TEX2: variants seen among roughly 807,000 people sequenced by gnomAD.
TEX2 encodes the protein testis-expressed protein 2.
In TEX2, 53 loss-of-function variants were observed where a neutral mutation model predicts 106.9. The observed-to-expected ratio is 0.50, with a 90% CI of 0.40 to 0.62. The LOEUF (loss-of-function observed/expected upper bound fraction) is 0.62. Ranked by LOEUF, TEX2 falls within the 20% of genes least tolerant of loss-of-function variation. The pLI is 0.00. For synonymous variants in TEX2, 523 were observed against 534.8 expected, an observed-to-expected ratio of 0.98 and a Z score of 0.30; for missense variants, 1,207 against 1,379.0, an observed-to-expected ratio of 0.88 and a Z score of 1.98.
chr17:64,259,347 T>C (rs1162908343), intron 1 of TEX2, among the ~76,000 whole-genome samples: 1 of 152,060 alleles, frequency 6.6e-6, no homozygotes, highest in African/African-American at 2.4e-5. Context: ...TTATAAAGAG[T>C]TTGGAAAGGA....
intron 1 of TEX2, among the ~76,000 whole-genome samples, chr17:64,232,822 T>C (rs1019803856): frequency 6.6e-6 from 1 of 152,350 alleles, no homozygotes; most frequent in South Asian, 2.1e-4. Flanking sequence ...GCATAGTTTC[T>C]GTTAAGCCTT....
At chr17:64,171,896 A>T (rs1374830936) in intron 6 of TEX2, among the ~76,000 whole-genome samples, 1 of 151,302 alleles carries the variant, frequency 6.6e-6, no homozygotes, top group East Asian at 1.9e-4. Context: ...TGGGAGGATC[A>T]CTTGAACCTG....
At chr17:64,166,022 T>C (rs1373598711) in intron 7 of TEX2, among the ~76,000 whole-genome samples, 1 of 152,214 alleles carries the variant, frequency 6.6e-6, no homozygotes, top group Non-Finnish European at 1.5e-5. Flanking sequence ...TGAATTCATC[T>C]AAGCCTGAGG....
intron 5 of TEX2, among the ~76,000 whole-genome samples, chr17:64,187,480 T>C (rs1047361421): frequency 3.3e-5 from 5 of 152,096 alleles, no homozygotes; most frequent in Non-Finnish European, 7.4e-5. Context: ...TGTCACTACC[T>C]TCACATTGAT....
Position 64,213,778 on chromosome 17 carries a change from G to C in TEX2, c.440C>G (p.Ser147Cys), listed in dbSNP as rs1555632170. ...CTCAGAAAGGGATGACACACTGGGA[G>C]AGCTAGCTAAGGGCCCCGACGAAGA... ...GSSSSGPLAS[S>C]PSVSSLSEQK... is the part of the protein sequence containing the mutation. Residue 147 changes from serine (S) to cysteine (C), a missense_variant, in exon 2 of 12, where the codon TCT (serine) becomes TGT (cysteine). Physicochemically the swap from Ser to Cys is moderately radical, Grantham distance 112. This residue lies in a region of TEX2 where 1,067 missense variants were observed against 1,193.6 expected (regional missense o/e 0.89). Coordinates refer to ENST00000584379, the MANE Select transcript of TEX2 (RefSeq NM_001288732.2). This position sits in a 1 kb window ranked among gnomAD's most constrained non-coding sequence, Gnocchi z 4.4. The C allele has an allele frequency of 6.2e-7, 1 of 1,614,210 alleles. No homozygotes were observed. The highest frequency in any genetic ancestry group is 1.7e-5 in the Admixed American group (1 of 60,028).
At position 64,193,758 on chromosome 17, in the gene TEX2, C is replaced by A; in HGVS notation, c.1977G>T (p.Lys659Asn). The A allele has an allele frequency of 6.2e-7, 1 of 1,613,868 alleles. No individual in the cohort carries two copies. The highest frequency in any genetic ancestry group is 8.5e-7 in the Non-Finnish European group (1 of 1,179,846). ...AQTDKETSEE[K>N]PPAEGSEDPK... ...GGTCCTCACTTCCCTCAGCTGGCGG[C>A]TTCTCTTCTGAAGTCTCCTTATCAG... is the stretch of plus-strand genomic sequence containing the variant. Residue 659 changes from lysine to asparagine, a missense_variant, in exon 4 of 12, where the codon AAG becomes AAT. Coordinates refer to ENST00000584379, the MANE Select transcript of TEX2 (RefSeq NM_001288732.2).
At position 64,188,270 on chromosome 17, in the gene TEX2, G is replaced by A. The variant is rs143638344; in HGVS notation, c.2322C>T (p.Leu774=). The change falls in exon 5 of 12, where the codon CTC becomes CTT. Residue 774 remains leucine (L), a synonymous_variant. Transcript: ENST00000584379. ...LAGSVRQKML[L]DYSVYMGRCV... Reference sequence around the variant, plus strand: ...ACCTGCCCATGTACACGCTGTAGTCGAGAAGCATCTTCTGCCGCACGCTGC... The same window carrying A: ...ACCTGCCCATGTACACGCTGTAGTCAAGAAGCATCTTCTGCCGCACGCTGC... 8.9e-5 allele frequency: 144 copies of A among 1,614,002 alleles called. No homozygotes were observed. The highest frequency in any genetic ancestry group is 2.8e-4 in the African/African-American group (21 of 75,038).
At chr17:64,199,866 A>C (rs1383293416) in intron 2 of TEX2, among the ~76,000 whole-genome samples, 2 of 152,238 alleles carry the variant, frequency 1.3e-5, no homozygotes, top group Non-Finnish European at 2.9e-5. Flanking sequence ...CCTTGGCTCA[A>C]CTATGAATAG....
chr17:64,154,493 C>T (rs2030516308), intron 9 of TEX2, among the ~76,000 whole-genome samples: 1 of 152,204 alleles, frequency 6.6e-6, no homozygotes, highest in Non-Finnish European at 1.5e-5. Context: ...CAAATGCACT[C>T]CAGCTGAAGC....
chr17:64,246,348 C>T (rs1340601086), intron 1 of TEX2, among the ~76,000 whole-genome samples: 2 of 152,176 alleles, frequency 1.3e-5, no homozygotes, highest in African/African-American at 4.8e-5. Flanking sequence ...CAGGTTCCAG[C>T]AATTCTCCTG....
chr17:64,161,875 T>C (rs2030903643), intron 7 of TEX2, among the ~76,000 whole-genome samples: 1 of 152,038 alleles, frequency 6.6e-6, no homozygotes, highest in Admixed American at 6.6e-5. Context: ...ACATGACAAA[T>C]GACATCTAAA....
Position 64,154,864 on chromosome 17 carries a change from G to C in TEX2, c.2908C>G (p.Gln970Glu), listed in dbSNP as rs1162693157. The change falls in exon 9 of 12, where the codon CAG becomes GAG. Residue 970 changes from glutamine to glutamate, a missense_variant. Gln to Glu is a conservative substitution (Grantham distance 29). Coordinates refer to ENST00000584379, the MANE Select transcript of TEX2 (RefSeq NM_001288732.2). ...CACCCTTCAGCCCCTGGGAGGAGCT[G>C]TTTGTCTCCCCCGCTGGGCTCTGGG... ...DAPEPSGGDKQLLPGAEGYVG... is the reference protein window; with the variant it reads ...DAPEPSGGDKELLPGAEGYVG... 6.8e-6 allele frequency: 11 copies of C among 1,607,934 alleles called. No homozygotes were observed. The highest frequency in any genetic ancestry group is 9.3e-6 in the Non-Finnish European group (11 of 1,177,594).
intron 1 of TEX2, among the ~76,000 whole-genome samples, chr17:64,220,328 A>AT (rs2033322176): frequency 1.3e-5 from 2 of 152,226 alleles, no homozygotes; most frequent in Non-Finnish European, 2.9e-5. Flanking sequence ...GTCAAAAGCA[A>AT]TTGCAACAAA....
At chr17:64,172,533 G>C (rs1362646332) in intron 6 of TEX2, among the ~76,000 whole-genome samples, 1 of 152,028 alleles carries the variant, frequency 6.6e-6, no homozygotes, top group Non-Finnish European at 1.5e-5. Flanking sequence ...GGCAGTTGAT[G>C]GGGAGGCACA....
At chr17:64,180,792 G>A (rs1188906331) in intron 5 of TEX2, among the ~76,000 whole-genome samples, 2 of 152,198 alleles carry the variant, frequency 1.3e-5, no homozygotes, top group African/African-American at 2.4e-5. Flanking sequence ...TGGGATATGT[G>A]TTATTTAAAA....
intron 7 of TEX2, among the ~76,000 whole-genome samples, chr17:64,164,110 C>A (rs1334629226): frequency 6.6e-6 from 1 of 152,082 alleles, no homozygotes; most frequent in Non-Finnish European, 1.5e-5. Context: ...CAGTGGTAAC[C>A]AGTGGCACCC....
chr17:64,170,622 CTTTTTTT>C (rs71156002), intron 7 of TEX2, among the ~76,000 whole-genome samples: 2,094 of 73,756 alleles, frequency 0.028, 37 homozygotes, highest in Middle Eastern at 0.17. Flanking sequence ...TATTCCAAAT[CTTTTTTT>C]TTTTTTTTTT....
rs141988036 is a variant in TEX2 at position 64,148,922 on chromosome 17, C to T, written c.*47G>A. 3 of 1,610,840 alleles carry T rather than the reference C, an allele frequency of 1.9e-6. No homozygotes were observed. Among genetic ancestry groups the T allele is most frequent in the South Asian group, 2.2e-5 (2 of 90,648 alleles). On this transcript the variant is annotated 3_prime_UTR_variant, in exon 12 of 12. Transcript: ENST00000584379. ...GTACAGATGGCGGCCAAGAACCCCA[C>T]ACATCCAGCTCGATGTCACAATATG...
Position 64,213,064 on chromosome 17 carries a change from G to A in TEX2, c.1154C>T (p.Ser385Phe). ...EPTREIELKS[S>F]QGSSLKDLGL... ...TAAATCCTTCAGACTGCTCCCCTGG[G>A]AACTTTTCAGTTCTATCTCTCTTGT... Residue 385 changes from serine (S) to phenylalanine (F), a missense_variant, in exon 2 of 12, where the codon TCC becomes TTC. Physicochemically the swap from Ser to Phe is radical, Grantham distance 155. Around this residue, in one of 3 missense-constraint regions of TEX2, gnomAD observed 1,067 missense variants for 1,193.6 expected, o/e 0.89. Coordinates refer to ENST00000584379, the MANE Select transcript of TEX2 (RefSeq NM_001288732.2). The surrounding 1 kb of genome is among the most constrained non-coding windows in gnomAD (Gnocchi z 4.4). The A allele has an allele frequency of 6.2e-7, 1 of 1,614,180 alleles. No homozygotes were observed. Among genetic ancestry groups the A allele is most frequent in the Non-Finnish European group, 8.5e-7 (1 of 1,180,034 alleles).
Sources: allele counts gnomAD v4.1 joint callset (sites outside exome capture counted in the v4.1 genomes callset), GRCh38; gene constraint gnomAD v4.1.1; regional missense constraint gnomAD v4.1.1; non-coding constraint Gnocchi (gnomAD v3.1); transcripts MANE v1.5; gene names NCBI Gene and HGNC (gene_info 2026-07-23, HGNC 2026-07-21).